DISP1: variants seen among roughly 807,000 people sequenced by gnomAD.
The protein encoded by DISP1 is protein dispatched homolog 1.
DISP1 carries 30 observed loss-of-function variants against 37.3 expected under a neutral mutation model. The ratio of observed to expected loss-of-function variants is 0.80; its 90% CI spans 0.60 to 1.09. The LOEUF is 1.09. Ranked by LOEUF, DISP1 falls within the 50% of genes least tolerant of loss-of-function variation. The pLI is 0.00. For missense variants in DISP1, 1,598 were observed against 1,879.5 expected (o/e 0.85, Z 2.77); for synonymous variants, 634 against 690.2 (o/e 0.92, Z 1.28).
At chr1:222,990,888 A>C in intron 5 of DISP1, 140 bp downstream of exon 5, 1 of 1,204,936 alleles carries the variant, frequency 8.3e-7, no homozygotes, top group Non-Finnish European at 1.2e-6. Context: ...AAAAGTAAAG[A>C]CATGACTTTA....
At chr1:222,861,889 T>G (rs1383094842) in intron 1 of DISP1, among the ~76,000 whole-genome samples, 1 of 152,312 alleles carries the variant, frequency 6.6e-6, no homozygotes, top group South Asian at 2.1e-4. Context: ...ATTGTATAAC[T>G]TCTCGTACAG....
At chr1:222,874,577 ATGT>A (rs1669839387) in intron 1 of DISP1, among the ~76,000 whole-genome samples, 1 of 151,764 alleles carries the variant, frequency 6.6e-6, no homozygotes, top group African/African-American at 2.4e-5. Flanking sequence ...TGCATTCGTC[ATGT>A]AGTTCTCGTG....
intron 3 of DISP1, among the ~76,000 whole-genome samples, chr1:222,966,862 T>A (rs1393454103): frequency 6.6e-6 from 1 of 151,910 alleles, no homozygotes; most frequent in Non-Finnish European, 1.5e-5. Flanking sequence ...ATTTAAGAAC[T>A]CCCCCCACCA....
At chr1:222,859,660 T>C (rs1668762505) in intron 1 of DISP1, among the ~76,000 whole-genome samples, 1 of 152,146 alleles carries the variant, frequency 6.6e-6, no homozygotes, top group African/African-American at 2.4e-5. Context: ...GAGACTATCT[T>C]CCCAAAAGCA....
At chr1:222,844,802 T>C (rs1572321857) in intron 1 of DISP1, among the ~76,000 whole-genome samples, 1 of 152,158 alleles carries the variant, frequency 6.6e-6, no homozygotes, top group African/African-American at 2.4e-5. Context: ...TAATTGTATT[T>C]CTGTGTGAGT....
At chr1:222,823,466 C>T in intron 1 of DISP1, among the ~76,000 whole-genome samples, 1 of 152,020 alleles carries the variant, frequency 6.6e-6, no homozygotes, top group Non-Finnish European at 1.5e-5. Flanking sequence ...CTTATAAGTG[C>T]TAAATAACAT....
At chr1:222,894,613 C>T (rs1004906293) in intron 1 of DISP1, among the ~76,000 whole-genome samples, 2 of 152,178 alleles carry the variant, frequency 1.3e-5, no homozygotes, top group East Asian at 1.9e-4. Flanking sequence ...GGGGGCTTCT[C>T]GGGCCCCCAA....
At chr1:222,963,851 CCTGCACATT>C (rs1676256085) in intron 3 of DISP1, among the ~76,000 whole-genome samples, 1 of 151,890 alleles carries the variant, frequency 6.6e-6, no homozygotes, top group Admixed American at 6.6e-5. Flanking sequence ...ATATAACAAA[CCTGCACATT>C]CTGCACATGT....
chr1:222,936,352 C>G (rs1387243671), intron 2 of DISP1, among the ~76,000 whole-genome samples: 3 of 151,844 alleles, frequency 2.0e-5, no homozygotes, highest in Non-Finnish European at 4.4e-5. Flanking sequence ...TTATCATAAT[C>G]CTGATAGCAT....
At chr1:222,987,635 T>C (rs1678375384) in intron 4 of DISP1, among the ~76,000 whole-genome samples, 1 of 152,214 alleles carries the variant, frequency 6.6e-6, no homozygotes, top group African/African-American at 2.4e-5. Flanking sequence ...TATACGTGTG[T>C]GCAGATTTTC....
chr1:223,000,168 A>C (rs553174189), intron 8 of DISP1, among the ~76,000 whole-genome samples: 154 of 152,298 alleles, frequency 1.0e-3, no homozygotes, highest in African/African-American at 3.0e-3. Flanking sequence ...TCTAGCTGAT[A>C]ATGGATTTTC....
In DISP1 at chr1:222,942,978, C is replaced by A. The variant is rs372895287; in HGVS notation, c.155C>A (p.Pro52Gln). Residue 52 changes from proline to glutamine, a missense_variant, in exon 3 of 9, where the codon CCA becomes CAA. Physicochemically the swap from Pro to Gln is moderately conservative, Grantham distance 76. Coordinates refer to ENST00000675850, the MANE Select transcript of DISP1 (RefSeq NM_001377229.1). The stretch of plus-strand genomic sequence containing the variant: ...GAAGCAACAAGAACAAAAGTGAGTC[C>A]AAATGGATGCCTGCAACTTAATGGC... ...PKEATRTKVS[P>Q]NGCLQLNGTV... 1 of 1,614,164 alleles carries A rather than the reference C, an allele frequency of 6.2e-7. No individual in the cohort carries two copies. The highest frequency in any genetic ancestry group is 8.5e-7 in the Non-Finnish European group (1 of 1,180,034).
chr1:223,004,327 A>G lies in DISP1; in HGVS notation c.2930A>G (p.Gln977Arg). 4.3e-6 allele frequency: 7 copies of G among 1,614,212 alleles called. No individual in the cohort carries two copies. The highest frequency in any genetic ancestry group is 5.9e-6 in the Non-Finnish European group (7 of 1,180,032). Residue 977 changes from glutamine (Q) to arginine (R), a missense_variant, in exon 9 of 9, where the codon CAG becomes CGG. Coordinates refer to ENST00000675850, the MANE Select transcript of DISP1 (RefSeq NM_001377229.1). The surrounding 1 kb of genome is among the most constrained non-coding windows in gnomAD (Gnocchi z 4.9). ...FVSNLEFYDL[Q>R]DSLSDGTLIA... ...AGCAATCTGGAGTTCTATGACCTCC[A>G]GGATAGCCTCTCCGATGGCACCCTC...
intron 1 of DISP1, among the ~76,000 whole-genome samples, chr1:222,822,559 A>G (rs532844336): frequency 6.6e-6 from 1 of 152,346 alleles, no homozygotes; most frequent in Non-Finnish European, 1.5e-5. Context: ...ATAAACATTG[A>G]ATTTTCAATG....
At chr1:222,909,496 T>C (rs1457411303) in intron 1 of DISP1, among the ~76,000 whole-genome samples, 2 of 152,084 alleles carry the variant, frequency 1.3e-5, no homozygotes, top group Non-Finnish European at 2.9e-5. Context: ...CACATTTACT[T>C]GAACTTATCA....
At chr1:222,912,819 T>A (rs1427120507) in intron 1 of DISP1, among the ~76,000 whole-genome samples, 1 of 152,196 alleles carries the variant, frequency 6.6e-6, no homozygotes, top group East Asian at 1.9e-4. Flanking sequence ...GTTGAACTTA[T>A]TTGGTTATTT....
At chr1:222,969,295 A>G (rs1676744067) in intron 3 of DISP1, among the ~76,000 whole-genome samples, 1 of 141,052 alleles carries the variant, frequency 7.1e-6, no homozygotes, top group African/African-American at 2.6e-5. Context: ...ACTTGAGTCT[A>G]GGAGGTAGAG....
intron 1 of DISP1, among the ~76,000 whole-genome samples, chr1:222,861,095 G>C (rs1256404910): frequency 1.3e-5 from 2 of 152,042 alleles, no homozygotes; most frequent in Non-Finnish European, 2.9e-5. Context: ...CTAGGGCCAG[G>C]GTATCTTCTC....
chr1:222,950,196 G>A (rs892341923), intron 3 of DISP1, among the ~76,000 whole-genome samples: 21 of 152,298 alleles, frequency 1.4e-4, no homozygotes, highest in Admixed American at 4.6e-4. Flanking sequence ...AATGGCCCTT[G>A]AAAGATGACT....
Sources: allele counts gnomAD v4.1 joint callset (sites outside exome capture counted in the v4.1 genomes callset), GRCh38; gene constraint gnomAD v4.1.1; non-coding constraint Gnocchi (gnomAD v3.1); transcripts MANE v1.5; gene names NCBI Gene and HGNC (gene_info 2026-07-23, HGNC 2026-07-21).